HERC1: variants seen among roughly 807,000 people sequenced by gnomAD.
HERC1 encodes the protein probable E3 ubiquitin-protein ligase HERC1.
In HERC1, 160 loss-of-function variants were observed where a neutral mutation model predicts 554.3. That is an observed-to-expected ratio of 0.29 (90% CI 0.25 to 0.33). The LOEUF is 0.33. Ranked by LOEUF, HERC1 falls within the 10% of genes least tolerant of loss-of-function variation. HERC1 has a pLI of 1.00. For synonymous variants in HERC1, 2,175 were observed against 2,131.7 expected, an observed-to-expected ratio of 1.02 and a Z score of -0.56; for missense variants, 4,919 against 5,918.5, an observed-to-expected ratio of 0.83 and a Z score of 5.54.
chr15:63,736,939 G>A (rs1016086835), intron 12 of HERC1, among the ~76,000 whole-genome samples: 3 of 151,904 alleles, frequency 2.0e-5, no homozygotes, highest in Non-Finnish European at 1.5e-5. Flanking sequence ...GATTGGCTTC[G>A]AAGCCAAAGG....
intron 1 of HERC1, among the ~76,000 whole-genome samples, chr15:63,826,331 C>T (rs963033269): frequency 2.6e-5 from 4 of 152,108 alleles, no homozygotes; most frequent in African/African-American, 9.7e-5. Flanking sequence ...TTACGACTGC[C>T]CTTCTTCCTT....
intron 26 of HERC1, among the ~76,000 whole-genome samples, chr15:63,696,817 C>T (rs945754007): frequency 6.6e-6 from 1 of 151,638 alleles, no homozygotes; most frequent in African/African-American, 2.4e-5. Context: ...ACTCTTTAGC[C>T]CAGGAATGAG....
intron 1 of HERC1, among the ~76,000 whole-genome samples, chr15:63,777,523 A>C (rs961447882): frequency 2.6e-5 from 4 of 152,226 alleles, no homozygotes; most frequent in Admixed American, 2.0e-4. Flanking sequence ...TTACTAATAA[A>C]TCTGAACATC....
rs776878208 is a variant in HERC1 at position 63,699,020 on chromosome 15, A to AT, written c.4637-25dup. 13 of 1,577,496 alleles carry AT rather than the reference A, an allele frequency of 8.2e-6. No homozygotes were observed. In the South Asian group the frequency reaches 1.5e-4, roughly 18 times the overall value. ...ACCTATATACAAACAGAATAAACAT[A>AT]TATCAATGGCAATCAAGTAGAGCAT... On this transcript the variant is annotated intron_variant, in intron 25 of 77. Transcript: ENST00000443617.
chr15:63,790,577 CA>C (rs982029810), intron 1 of HERC1, among the ~76,000 whole-genome samples: 4 of 149,056 alleles, frequency 2.7e-5, no homozygotes, highest in South Asian at 2.1e-4. Context: ...GACTCCGTCT[CA>C]AAAAAAAATT....
chr15:63,681,568 TA>T (rs1376351977), intron 34 of HERC1, among the ~76,000 whole-genome samples: 2 of 151,846 alleles, frequency 1.3e-5, no homozygotes, highest in African/African-American at 2.4e-5. Flanking sequence ...ATTTGACTGG[TA>T]AAGTTTCTTA....
intron 2 of HERC1, 110 bp from the exon 3 acceptor site, chr15:63,764,301 A>C: frequency 1.4e-6 from 1 of 711,896 alleles, no homozygotes; most frequent in Non-Finnish European, 2.4e-6. Context: ...TGTTTATATA[A>C]TTATGTGCAC....
chr15:63,623,989 C>T, intron 72 of HERC1, 99 bp from the exon 73 acceptor site: 1 of 1,384,506 alleles, frequency 7.2e-7, no homozygotes, highest in Non-Finnish European at 1.0e-6. Flanking sequence ...GCTAGTTTAA[C>T]AGGCAAGCAC....
chr15:63,651,343 C>G lies in HERC1; in HGVS notation c.10456G>C (p.Asp3486His). 2.5e-6 allele frequency: 4 copies of G among 1,613,830 alleles called. No individual in the cohort carries two copies. The highest frequency in any genetic ancestry group is 3.4e-6 in the Non-Finnish European group (4 of 1,179,736). The change falls in exon 53 of 78, where the codon GAT becomes CAT. Residue 3486 changes from aspartate (D) to histidine (H), a missense_variant. Transcript: ENST00000443617. Reference protein sequence around the residue: ...DAEESLGSPSDPSFSPVSWSI... With the variant: ...DAEESLGSPSHPSFSPVSWSI... ...CAGGAAACTGGTGAGAAACTTGGAT[C>G]ACTGGGTGATCCCAGGCTTTCCTCA...
At chr15:63,790,511 G>GA (rs2076613105) in intron 1 of HERC1, among the ~76,000 whole-genome samples, 1 of 152,068 alleles carries the variant, frequency 6.6e-6, no homozygotes, top group East Asian at 1.9e-4. Flanking sequence ...CAGGGAGGCG[G>GA]AGCTTGCAGT....
chr15:63,693,623 T>C (rs549091718), intron 30 of HERC1, among the ~76,000 whole-genome samples: 1 of 152,168 alleles, frequency 6.6e-6, no homozygotes. Flanking sequence ...CAGGATCAAA[T>C]GCTAAGAAAA....
At chr15:63,803,288 C>T (rs969178437) in intron 1 of HERC1, among the ~76,000 whole-genome samples, 2 of 152,172 alleles carry the variant, frequency 1.3e-5, no homozygotes, top group Non-Finnish European at 2.9e-5. Context: ...TACAGAGAGG[C>T]TAAATAGCCC....
chr15:63,707,500 G>A (rs2073070240), intron 24 of HERC1, among the ~76,000 whole-genome samples: 1 of 152,098 alleles, frequency 6.6e-6, no homozygotes, highest in African/African-American at 2.4e-5. Context: ...TGCCTACTTG[G>A]CCTATATGTA....
At position 63,654,344 on chromosome 15, in the gene HERC1, G is replaced by A; in HGVS notation, c.10085-20C>T. The A allele has an allele frequency of 6.3e-7, 1 of 1,586,874 alleles. No individual in the cohort carries two copies. On this transcript the variant is annotated intron_variant, in intron 50 of 77. Coordinates refer to ENST00000443617, the MANE Select transcript of HERC1 (RefSeq NM_003922.4). ...GAGGGCCTACAGCAGAAGGATCATAGGAAGGATGGGCATACAATTGGGCAA... is the reference window on the plus strand; with the variant it reads ...GAGGGCCTACAGCAGAAGGATCATAAGAAGGATGGGCATACAATTGGGCAA...
intron 14 of HERC1, among the ~76,000 whole-genome samples, chr15:63,730,545 G>A (rs1167602877): frequency 6.6e-6 from 1 of 152,138 alleles, no homozygotes; most frequent in Non-Finnish European, 1.5e-5. Flanking sequence ...AAGGGCTGGG[G>A]TCAGAAACTG....
chr15:63,747,942 T>C (rs926508505), intron 10 of HERC1, 84 bp from the exon 11 acceptor site: 34 of 1,360,800 alleles, frequency 2.5e-5, no homozygotes, highest in Non-Finnish European at 3.2e-5. Flanking sequence ...AAAACATATA[T>C]TGGCTGGGCA....
chr15:63,666,064 G>A lies in HERC1; in HGVS notation c.8410C>T (p.Pro2804Ser). 1 of 1,614,010 alleles carries A rather than the reference G, an allele frequency of 6.2e-7. No homozygotes were observed. Among genetic ancestry groups the A allele is most frequent in the Non-Finnish European group, 8.5e-7 (1 of 1,179,872 alleles). The change falls in exon 42 of 78, where the codon CCC (proline) becomes TCC (serine). Residue 2804 changes from proline (P) to serine (S), a missense_variant. By Grantham distance (74) the Pro-to-Ser change is moderately conservative. Coordinates refer to ENST00000443617, the MANE Select transcript of HERC1 (RefSeq NM_003922.4). ...GAGTCTGCTGTGCTGCCCGACTGGG[G>A]CTCCTCTTCATCCTCATGCCCAGGG... ...EHPGHEDEEE[P>S]QSGSTADSRP...
chr15:63,833,574 C>T (rs1390254821), intron 1 of HERC1, among the ~76,000 whole-genome samples: 2 of 151,940 alleles, frequency 1.3e-5, no homozygotes, highest in African/African-American at 4.8e-5. Flanking sequence ...TACGCTGCTC[C>T]GAGGCGCCCG....
intron 34 of HERC1, among the ~76,000 whole-genome samples, chr15:63,682,735 T>C (rs890247356): frequency 1.3e-5 from 2 of 152,118 alleles, no homozygotes; most frequent in Non-Finnish European, 2.9e-5. Context: ...ATGCTAAATT[T>C]ATTGCTAGAG....
Sources: allele counts gnomAD v4.1 joint callset (sites outside exome capture counted in the v4.1 genomes callset), GRCh38; gene constraint gnomAD v4.1.1; transcripts MANE v1.5; gene names NCBI Gene and HGNC (gene_info 2026-07-23, HGNC 2026-07-21).